Variants in CLASP1 observed in about 807,000 individuals in gnomAD.
CLASP1 encodes the protein cytoplasmic linker associated protein 1.
A neutral mutation model predicts 192.3 loss-of-function variants in CLASP1; 38 were observed. That is an observed-to-expected ratio of 0.20 (90% confidence interval 0.15 to 0.26). The LOEUF (loss-of-function observed/expected upper bound fraction) is 0.26, where lower values mean the gene tolerates loss of function less well. CLASP1 is among the 10% of genes least tolerant of loss of function. The pLI, the probability that CLASP1 is intolerant of heterozygous loss-of-function variation, is 1.00. For synonymous variants in CLASP1, 691 were observed against 712.8 expected (o/e 0.97, Z 0.49); for missense variants, 1,433 against 1,932.5 (o/e 0.74, Z 4.85).
rs550791516 is a variant in CLASP1 at position 121,531,067 on chromosome 2, G to C, written c.196-742C>G. The C allele has an allele frequency of 1.0e-5, 7 of 691,950 alleles. No individual in the cohort carries two copies. In the Admixed American group the frequency reaches 1.2e-4, roughly 12 times the overall value. The allele number at this position is 691,950 out of a possible 1,614,324, so 42.9% of individuals were successfully genotyped here. Reference sequence around the variant, plus strand: ...ACAGCAGTAATTCGTAAATAAACTAGTACTTTGTGGTTAAACCAGTAGAGG... The same window carrying C: ...ACAGCAGTAATTCGTAAATAAACTACTACTTTGTGGTTAAACCAGTAGAGG... On this transcript the variant is annotated intron_variant, in intron 2 of 39. Transcript: ENST00000263710.
intron 21 of CLASP1, among the ~76,000 whole-genome samples, chr2:121,427,193 C>T (rs1378658764): frequency 6.6e-6 from 1 of 151,760 alleles, no homozygotes; most frequent in East Asian, 1.9e-4. Flanking sequence ...TTAATTTTAC[C>T]CATAAAATTT....
intron 2 of CLASP1, chr2:121,530,888 T>G (rs1414471225): frequency 1.4e-6 from 1 of 693,010 alleles, no homozygotes. Flanking sequence ...ATAACCATCC[T>G]TTTCTTGGGG....
At chr2:121,514,939 T>C (rs564162974) in intron 7 of CLASP1, among the ~76,000 whole-genome samples, 57 of 152,310 alleles carry the variant, frequency 3.7e-4, no homozygotes, top group African/African-American at 1.3e-3. Context: ...ATGGACAAAA[T>C]GACAGGCTCA....
intron 2 of CLASP1, among the ~76,000 whole-genome samples, chr2:121,538,678 C>T (rs547090065): frequency 1.3e-5 from 2 of 148,988 alleles, no homozygotes; most frequent in African/African-American, 4.9e-5. Flanking sequence ...CCCAGCTACT[C>T]GGGAGGCTGA....
intron 16 of CLASP1, among the ~76,000 whole-genome samples, 157 bp downstream of exon 16, chr2:121,450,754 AAG>A (rs1375466622): frequency 2.6e-5 from 4 of 152,224 alleles, no homozygotes; most frequent in Admixed American, 6.5e-5. Flanking sequence ...TTATTAAAAA[AAG>A]AGAGAAATAT....
chr2:121,547,610 G>C (rs2057590576), intron 2 of CLASP1, among the ~76,000 whole-genome samples: 1 of 152,104 alleles, frequency 6.6e-6, no homozygotes, highest in Admixed American at 6.5e-5. Flanking sequence ...GATTGTCCCA[G>C]AGCTGCAATG....
chr2:121,610,957 GAGGAGGAGGAGTTAT>G (rs1321009197), intron 1 of CLASP1, among the ~76,000 whole-genome samples: 1 of 148,982 alleles, frequency 6.7e-6, no homozygotes. Context: ...GGAACTGGAG[GAGGAGGAGGAGTTAT>G]AGGAGGAAGA....
chr2:121,484,678 G>A (rs2092846938), intron 8 of CLASP1, among the ~76,000 whole-genome samples: 1 of 152,188 alleles, frequency 6.6e-6, no homozygotes, highest in African/African-American at 2.4e-5. Flanking sequence ...GTGGGGAAGA[G>A]GTGGGAGAAA....
intron 2 of CLASP1, among the ~76,000 whole-genome samples, chr2:121,583,102 T>C (rs150233415): frequency 1.4e-3 from 208 of 152,276 alleles, no homozygotes; most frequent in African/African-American, 4.3e-3. Context: ...GTTTCACTTA[T>C]TCATCTGCGA....
At chr2:121,567,150 A>G (rs2059578926) in intron 2 of CLASP1, among the ~76,000 whole-genome samples, 1 of 152,262 alleles carries the variant, frequency 6.6e-6, no homozygotes, top group East Asian at 1.9e-4. Flanking sequence ...AGCTCTGCAC[A>G]GGCCTAGTAT....
intron 2 of CLASP1, among the ~76,000 whole-genome samples, chr2:121,569,147 G>T (rs1184517310): frequency 6.6e-6 from 1 of 152,148 alleles, no homozygotes; most frequent in Non-Finnish European, 1.5e-5. Context: ...GCCATAAGAG[G>T]TCTCTGCCTC....
chr2:121,483,974 T>C (rs2092798989), intron 8 of CLASP1, among the ~76,000 whole-genome samples: 2 of 152,152 alleles, frequency 1.3e-5, no homozygotes, highest in Non-Finnish European at 2.9e-5. Context: ...TAGAGAATTA[T>C]CCAGACATTC....
chr2:121,345,206 T>A (rs1255729415), intron 39 of CLASP1, among the ~76,000 whole-genome samples: 1 of 152,104 alleles, frequency 6.6e-6, no homozygotes, highest in East Asian at 1.9e-4. Flanking sequence ...AGCAGAAAGA[T>A]GTGAAGGCCA....
rs761749239 is a variant in CLASP1 at position 121,576,688 on chromosome 2, T to C, written c.195+29013A>G. Reference sequence around the variant, plus strand: ...AAATGGAACACCAAGTATGTTTAAATTCATGAGTTATATTAATACTAAAAA... The same window carrying C: ...AAATGGAACACCAAGTATGTTTAAACTCATGAGTTATATTAATACTAAAAA... On this transcript the variant is annotated intron_variant, in intron 2 of 39. Coordinates refer to ENST00000263710, the Ensembl canonical transcript of CLASP1. Among the ~76,000 whole-genome samples the C allele has an allele frequency of 6.7e-4, 102 of 152,308 alleles. No individual in the cohort carries two copies. The Middle Eastern group carries it at 0.014, about 20-fold the overall frequency.
chr2:121,596,777 T>C (rs545965683), intron 2 of CLASP1, among the ~76,000 whole-genome samples: 2 of 152,330 alleles, frequency 1.3e-5, no homozygotes, highest in East Asian at 3.9e-4. Context: ...CATACCCTAA[T>C]GTTTCTTCTT....
At position 121,470,183 on chromosome 2, in the gene CLASP1, C is replaced by T. The variant is rs952181525; in HGVS notation, c.713-223G>A. 4.9e-6 allele frequency: 3 copies of T among 608,702 alleles called. No homozygotes were observed. In the African/African-American group the frequency reaches 5.5e-5, roughly 11 times the overall value. 37.7% of individuals were successfully genotyped at this position (608,702 alleles called of 1,614,324 possible). On this transcript the variant is annotated intron_variant, in intron 8 of 39. Transcript: ENST00000263710. ...CTTTCACATACCCAGAATACTTTTG[C>T]ACTCAAATTTTGAAAAATAGAACAA... is the stretch of plus-strand genomic sequence containing the variant.
At chr2:121,589,422 G>T (rs1266642356) in intron 2 of CLASP1, among the ~76,000 whole-genome samples, 2 of 152,164 alleles carry the variant, frequency 1.3e-5, no homozygotes, top group African/African-American at 4.8e-5. Flanking sequence ...CTAAGGTCAA[G>T]AGTTTGAGAT....
intron 8 of CLASP1, among the ~76,000 whole-genome samples, chr2:121,472,381 C>A (rs2090906534): frequency 6.6e-6 from 1 of 152,130 alleles, no homozygotes; most frequent in Non-Finnish European, 1.5e-5. Flanking sequence ...AGGCACCGGA[C>A]AACGGGCAGT....
At chr2:121,492,331 G>A (rs1575431231) in intron 8 of CLASP1, among the ~76,000 whole-genome samples, 1 of 144,794 alleles carries the variant, frequency 6.9e-6, no homozygotes, top group Middle Eastern at 3.8e-3. Flanking sequence ...GGAGCTTGCA[G>A]TGAGCCGAGG....
Sources: allele counts gnomAD v4.1 joint callset (sites outside exome capture counted in the v4.1 genomes callset), GRCh38; gene constraint gnomAD v4.1.1; transcripts MANE v1.5; gene names NCBI Gene and HGNC (gene_info 2026-07-23, HGNC 2026-07-21).